The following HHIPL1 variants were observed in gnomAD, a reference collection of about 807,000 sequenced individuals.
HHIPL1 encodes the protein HHIP like 1.
In HHIPL1, 43 loss-of-function variants were observed where a neutral mutation model predicts 61.8. The ratio of observed to expected loss-of-function variants is 0.70; its 90% CI spans 0.55 to 0.90. The LOEUF is 0.90. Among genes scored for constraint, HHIPL1 ranks in the 40% least tolerant of loss-of-function variants. HHIPL1 has a pLI of 0.00. For missense variants in HHIPL1, 1,056 were observed against 1,157.7 expected (o/e 0.91, Z 1.28); for synonymous variants, 482 against 515.8 (o/e 0.93, Z 0.89).
the HHIPL1 span, among the ~76,000 whole-genome samples, chr14:99,614,747 T>G: frequency 2.0e-5 from 3 of 152,190 alleles, no homozygotes; most frequent in African/African-American, 7.2e-5. Context: ...AATCCTCAAA[T>G]GTGCTACTTC....
intron 1 of HHIPL1, among the ~76,000 whole-genome samples, chr14:99,650,510 G>A (rs577255821): frequency 1.8e-4 from 28 of 152,360 alleles, no homozygotes; most frequent in African/African-American, 6.3e-4. Flanking sequence ...GGTGCAGGGA[G>A]GGTGCTGTGG....
At chr14:99,650,665 A>G (rs776148978) in intron 1 of HHIPL1, among the ~76,000 whole-genome samples, 4 of 152,204 alleles carry the variant, frequency 2.6e-5, no homozygotes, top group Non-Finnish European at 4.4e-5. Flanking sequence ...ACCTCTGTGC[A>G]GTGGTAATAA....
At chr14:99,623,418 T>C in the HHIPL1 span, among the ~76,000 whole-genome samples, 1 of 152,034 alleles carries the variant, frequency 6.6e-6, no homozygotes, top group Admixed American at 6.6e-5. Flanking sequence ...CAATAGACAC[T>C]TTTTCTTTTT....
chr14:99,656,786 GAA>G (rs57705878), intron 2 of HHIPL1, among the ~76,000 whole-genome samples: 17 of 41,308 alleles, frequency 4.1e-4, no homozygotes, highest in African/African-American at 1.6e-3. Flanking sequence ...AAAAAGAAAA[GAA>G]AAGAAAGAAA....
In HHIPL1 at chr14:99,677,044, T is replaced by G. The variant is rs1008417982; in HGVS notation, c.*1418T>G. The G allele has an allele frequency of 6.6e-6, 1 of 152,448 alleles. No individual in the cohort carries two copies. Among genetic ancestry groups the G allele is most frequent in the Admixed American group, 6.5e-5 (1 of 15,284 alleles). 9.4% of individuals were successfully genotyped at this position (152,448 alleles called of 1,614,324 possible). A position where few individuals can be genotyped will look rare whatever the true frequency, so the allele number is the denominator to read the frequency against. On this transcript the variant is annotated 3_prime_UTR_variant, in exon 9 of 9. Transcript: ENST00000330710. The surrounding 1 kb of genome is among the most constrained non-coding windows in gnomAD (Gnocchi z 4.3). ...GGCACCAGGGGTGGCTGGGCAGGCC[T>G]TGGGGCAGGCATGAGTCTGGCAGGG...
rs539709444 is a variant in HHIPL1 at position 99,675,399 on chromosome 14, G to A, written c.2122G>A (p.Gly708Ser). Residue 708 changes from glycine (G) to serine (S), a missense_variant, in exon 9 of 9, where the codon GGC becomes AGC. Transcript: ENST00000330710. The surrounding 1 kb of genome is among the most constrained non-coding windows in gnomAD (Gnocchi z 5.4). ...GTGCGACGACTCCTGGAACATCAGC[G>A]GCGCCGCCGTCGTGTGTCGCCAGCT... ...TVCDDSWNIS[G>S]AAVVCRQLGF... The A allele has an allele frequency of 4.3e-5, 65 of 1,526,566 alleles. 1 individual carries two copies. The South Asian group carries it at 6.7e-4, about 16-fold the overall frequency. 94.6% of individuals were successfully genotyped at this position (1,526,566 alleles called of 1,614,324 possible).
intron 7 of HHIPL1, among the ~76,000 whole-genome samples, chr14:99,671,517 G>A (rs548302858): frequency 2.6e-5 from 4 of 152,320 alleles, no homozygotes; most frequent in African/African-American, 9.6e-5. Context: ...GTGTCACGTG[G>A]CTGCTTCACC....
chr14:99,625,612 G>A, the HHIPL1 span: 1 of 878 alleles, frequency 1.1e-3, no homozygotes, highest in South Asian at 0.056. Flanking sequence ...CAGCAGCCTG[G>A]GGCCTCACCC....
chr14:99,614,552 A>C, the HHIPL1 span, among the ~76,000 whole-genome samples: 1 of 152,182 alleles, frequency 6.6e-6, no homozygotes, highest in African/African-American at 2.4e-5. Context: ...GTCCCACCCC[A>C]GACCAAGTCC....
Position 99,652,370 on chromosome 14 carries a change from G to C in HHIPL1, c.402G>C (p.Glu134Asp). Residue 134 changes from glutamate to aspartate, a missense_variant, in exon 2 of 9, where the codon GAG (glutamate) becomes GAC (aspartate). By Grantham distance (45) the Glu-to-Asp change is conservative. Coordinates refer to ENST00000330710, the MANE Select transcript of HHIPL1 (RefSeq NM_001127258.3). ...TCCGTCACCTGTCAACTGACCAGGA[G>C]CTCTGGGCGCTGGAGGGCAACCTTG... ...GLFRHLSTDQ[E>D]LWALEGNLAR... 1 of 1,614,236 alleles carries C rather than the reference G, an allele frequency of 6.2e-7. No individual in the cohort carries two copies. The highest frequency in any genetic ancestry group is 8.5e-7 in the Non-Finnish European group (1 of 1,180,042).
the HHIPL1 span, among the ~76,000 whole-genome samples, chr14:99,637,397 A>G: frequency 6.6e-6 from 1 of 151,882 alleles, no homozygotes; most frequent in South Asian, 2.1e-4. Context: ...CCCGGTCTCT[A>G]CTAAAACAAA....
the HHIPL1 span, among the ~76,000 whole-genome samples, chr14:99,635,403 A>G: frequency 4.5e-4 from 69 of 151,994 alleles, no homozygotes; most frequent in African/African-American, 1.6e-3. Context: ...TGGACTGAGA[A>G]GCCGGGGAAT....
At chr14:99,605,488 G>T in the HHIPL1 span, among the ~76,000 whole-genome samples, 1 of 152,176 alleles carries the variant, frequency 6.6e-6, no homozygotes, top group Non-Finnish European at 1.5e-5. Flanking sequence ...AGCAGCTGAT[G>T]CCCCATTTAC....
At position 99,675,578 on chromosome 14, in the gene HHIPL1, C is replaced by G. The variant is rs927578880; in HGVS notation, c.2301C>G (p.His767Gln). The G allele has an allele frequency of 3.3e-6, 5 of 1,535,252 alleles. No individual in the cohort carries two copies. Among genetic ancestry groups the G allele is most frequent in the African/African-American group, 1.4e-5 (1 of 72,972 alleles). ...GCGTGGGCACCCACAACTGCGAGCA[C>G]GACGAGGATGCGGGCGTCGTGTGCA... ...HNGVGTHNCE[H>Q]DEDAGVVCSH... The change falls in exon 9 of 9, where the codon CAC becomes CAG. Residue 767 changes from histidine to glutamine, a missense_variant. His to Gln is a conservative substitution (Grantham distance 24). Transcript: ENST00000330710. This position sits in a 1 kb window ranked among gnomAD's most constrained non-coding sequence, Gnocchi z 5.4.
chr14:99,635,991 T>C, the HHIPL1 span, among the ~76,000 whole-genome samples: 3 of 152,178 alleles, frequency 2.0e-5, no homozygotes, highest in African/African-American at 7.2e-5. Flanking sequence ...CCCTGGGTTC[T>C]AGCCTTCCAC....
At position 99,675,169 on chromosome 14, in the gene HHIPL1, C is replaced by T. The variant is rs994456572; in HGVS notation, c.1892C>T (p.Thr631Met). 2.7e-6 allele frequency: 3 copies of T among 1,110,860 alleles called. No individual in the cohort carries two copies. Among genetic ancestry groups the T allele is most frequent in the Non-Finnish European group, 3.3e-6 (3 of 904,076 alleles). The allele number at this position is 1,110,860 out of a possible 1,614,324, so 68.8% of individuals were successfully genotyped here. A position where few individuals can be genotyped will look rare whatever the true frequency, so the allele number is the denominator to read the frequency against. The change falls in exon 9 of 9, where the codon ACG becomes ATG. Residue 631 changes from threonine (T) to methionine (M), a missense_variant. Thr to Met is a moderately conservative substitution (Grantham distance 81, BLOSUM62 -1). Transcript: ENST00000330710. The surrounding 1 kb of genome is among the most constrained non-coding windows in gnomAD (Gnocchi z 5.4). ...CGGGCGCCCCGCCGAGGGCGCCCCA[C>T]GGCCGCTCCCCCCGCGCCAACCCCG... Reference protein sequence around the residue: ...PTRAPRRGRPTAAPPAPTPRP... With the variant: ...PTRAPRRGRPMAAPPAPTPRP...
At chr14:99,650,787 G>C (rs1340565227) in intron 1 of HHIPL1, among the ~76,000 whole-genome samples, 1 of 152,260 alleles carries the variant, frequency 6.6e-6, no homozygotes, top group Non-Finnish European at 1.5e-5. Flanking sequence ...GCTGTGATTG[G>C]TTAGCATGGC....
the HHIPL1 span, among the ~76,000 whole-genome samples, chr14:99,622,511 G>A: frequency 6.6e-6 from 1 of 152,214 alleles, no homozygotes; most frequent in South Asian, 2.1e-4. Context: ...CCGACGCCCT[G>A]TCCTTCTTCC....
In HHIPL1 at chr14:99,645,451, C is replaced by T. The variant is rs963961002; in HGVS notation, c.244C>T (p.Leu82=). The part of the protein sequence containing the change: ...WAACAGYARD[L]LCQECSPYAA... ...CGCGTGCGCCGGCTACGCGAGGGAC[C>T]TGCTGTGCCAGGTGAGCGGGCGCGC... The change falls in exon 1 of 9, where the codon CTG becomes TTG. Residue 82 remains leucine (L), a synonymous_variant. Coordinates refer to ENST00000330710, the MANE Select transcript of HHIPL1 (RefSeq NM_001127258.3). 2 of 1,320,862 alleles carry T rather than the reference C, an allele frequency of 1.5e-6. No homozygotes were observed. Among genetic ancestry groups the T allele is most frequent in the African/African-American group, 3.1e-5 (2 of 64,674 alleles). The allele number at this position is 1,320,862 out of a possible 1,614,324, so 81.8% of individuals were successfully genotyped here. A position where few individuals can be genotyped will look rare whatever the true frequency, so the allele number is the denominator to read the frequency against.
Sources: gnomAD v4.1 joint callset for allele counts (sites outside exome capture counted in the v4.1 genomes callset) on GRCh38, gnomAD v4.1.1 for gene constraint, Gnocchi (gnomAD v3.1) non-coding constraint, MANE v1.5 for transcripts, NCBI Gene and HGNC (gene_info 2026-07-23, HGNC 2026-07-21) for gene names.